The following FAM161A variants were observed in gnomAD, a reference collection of about 807,000 sequenced individuals.
FAM161A encodes FAM161 centrosomal protein A, also known as protein FAM161A.
Under a neutral mutation model 70.9 loss-of-function variants are expected in FAM161A, and 57 were observed. The ratio of observed to expected loss-of-function variants is 0.80; its 90% confidence interval spans 0.65 to 1.00. The LOEUF (loss-of-function observed/expected upper bound fraction) is 1.00, where lower values mean the gene tolerates loss of function less well. FAM161A is among the 50% of genes least tolerant of loss of function. The pLI, the probability that FAM161A is intolerant of heterozygous loss-of-function variation, is 0.00. For synonymous variants in FAM161A, 299 were observed against 295.7 expected, an observed-to-expected ratio of 1.01 and a Z score of -0.12; for missense variants, 880 against 836.0, an observed-to-expected ratio of 1.05 and a Z score of -0.65.
intron 1 of FAM161A, among the ~76,000 whole-genome samples, chr2:61,844,188 CT>C (rs1403605727): frequency 3.9e-5 from 6 of 152,088 alleles, no homozygotes; most frequent in African/African-American, 1.4e-4. Context: ...CAGAAATTTG[CT>C]ACCAACAACT....
chr2:61,847,742 A>AG (rs1673281632), intron 1 of FAM161A, among the ~76,000 whole-genome samples: 3 of 152,338 alleles, frequency 2.0e-5, no homozygotes. Flanking sequence ...ACTGCACTCC[A>AG]GCCTGGGTAA....
chr2:61,815,632 C>A, the FAM161A span, among the ~76,000 whole-genome samples: 1 of 141,898 alleles, frequency 7.0e-6, no homozygotes, highest in South Asian at 2.2e-4. Flanking sequence ...CTCACTGCAA[C>A]CTTCGCCTCC....
chr2:61,819,879 T>C (rs778805030), downstream of FAM161A, among the ~76,000 whole-genome samples: 2 of 152,198 alleles, frequency 1.3e-5, no homozygotes, highest in East Asian at 3.8e-4. Context: ...AATATTGTTA[T>C]TTGCTTGAGA....
At position 61,853,974 on chromosome 2, in the gene FAM161A, G is replaced by C. The variant is rs1673588901; in HGVS notation, c.68C>G (p.Thr23Ser). The change falls in exon 1 of 7, where the codon ACT becomes AGT. Residue 23 changes from threonine (T) to serine (S), a missense_variant. By Grantham distance (58) the Thr-to-Ser change is moderately conservative. Coordinates refer to ENST00000404929, the MANE Select transcript of FAM161A (RefSeq NM_001201543.2). Reference protein sequence around the residue: ...SSLQTPVNPITGARVAQYERE... With the variant: ...SSLQTPVNPISGARVAQYERE... ...TTCGTACTGGGCGACCCGCGCTCCA[G>C]TGATGGGATTTACCGGGGTCTGGAG... The C allele has an allele frequency of 6.2e-7, 1 of 1,613,902 alleles. No homozygotes were observed. The highest frequency in any genetic ancestry group is 1.1e-5 in the South Asian group (1 of 91,072).
At chr2:61,835,480 C>G (rs559274596) in intron 5 of FAM161A, 1 of 151,502 alleles carries the variant, frequency 6.6e-6, no homozygotes, top group African/African-American at 2.4e-5. Context: ...AAAAAAAAAA[C>G]TAGCAGAAAT....
At chr2:61,811,915 A>G in the FAM161A span, among the ~76,000 whole-genome samples, 1 of 152,184 alleles carries the variant, frequency 6.6e-6, no homozygotes, top group South Asian at 2.1e-4. Flanking sequence ...AGAAGGCCCC[A>G]TAGAATCTGC....
the FAM161A span, among the ~76,000 whole-genome samples, chr2:61,814,499 C>T: frequency 2.1e-3 from 324 of 152,238 alleles, 2 homozygotes; most frequent in African/African-American, 7.4e-3. Context: ...CTTTCCTCTG[C>T]TCGAGAGGAG....
At chr2:61,835,893 T>C (rs944982282) in intron 5 of FAM161A, 117 bp downstream of exon 5, 1 of 777,226 alleles carries the variant, frequency 1.3e-6, no homozygotes, top group Non-Finnish European at 2.2e-6. Flanking sequence ...CAAACAACAA[T>C]AATGTATCTC....
At chr2:61,804,923 A>G in the FAM161A span, among the ~76,000 whole-genome samples, 7 of 152,230 alleles carry the variant, frequency 4.6e-5, no homozygotes, top group South Asian at 8.3e-4. Flanking sequence ...TTTCAGAAAC[A>G]TGGATGCCCA....
the FAM161A span, among the ~76,000 whole-genome samples, chr2:61,816,820 C>T: frequency 6.6e-6 from 1 of 152,066 alleles, no homozygotes; most frequent in Non-Finnish European, 1.5e-5. Context: ...CTACTTGCCT[C>T]GGCAATCACA....
At chr2:61,805,625 G>A in the FAM161A span, among the ~76,000 whole-genome samples, 5 of 152,138 alleles carry the variant, frequency 3.3e-5, no homozygotes, top group Non-Finnish European at 5.9e-5. Context: ...GATAAATACC[G>A]TTCTTCCTCC....
chr2:61,847,370 C>T (rs1409778321), intron 1 of FAM161A, among the ~76,000 whole-genome samples: 1 of 152,134 alleles, frequency 6.6e-6, no homozygotes, highest in Non-Finnish European at 1.5e-5. Flanking sequence ...TGTCAGCCCC[C>T]TTGTCTGTCT....
At chr2:61,811,321 C>A in the FAM161A span, among the ~76,000 whole-genome samples, 3 of 152,134 alleles carry the variant, frequency 2.0e-5, no homozygotes, top group South Asian at 6.2e-4. Context: ...CCTCAGCTTC[C>A]CAAGTAGCTG....
downstream of FAM161A, among the ~76,000 whole-genome samples, chr2:61,822,460 CA>C (rs1672222269): frequency 6.6e-6 from 1 of 152,132 alleles, no homozygotes; most frequent in Non-Finnish European, 1.5e-5. Context: ...GTCAAATTGA[CA>C]AAAACTTCAT....
At chr2:61,822,997 A>G (rs1672236077), downstream of FAM161A, among the ~76,000 whole-genome samples, 1 of 152,124 alleles carries the variant, frequency 6.6e-6, no homozygotes. Flanking sequence ...AATACCAGAT[A>G]TCCTTAAAGG....
At chr2:61,829,227 G>C (rs1672485072) in intron 5 of FAM161A, among the ~76,000 whole-genome samples, 1 of 152,184 alleles carries the variant, frequency 6.6e-6, no homozygotes, top group East Asian at 1.9e-4. Flanking sequence ...ATTACATCAT[G>C]CTACTTTCTC....
intron 1 of FAM161A, among the ~76,000 whole-genome samples, chr2:61,850,490 G>A (rs777669217): frequency 1.8e-4 from 27 of 152,226 alleles, no homozygotes; most frequent in African/African-American, 5.5e-4. Context: ...AGTGGCTCAC[G>A]CCTATAATCC....
intron 4 of FAM161A, among the ~76,000 whole-genome samples, chr2:61,837,487 G>A (rs1672815741): frequency 1.3e-5 from 2 of 152,184 alleles, no homozygotes; most frequent in Non-Finnish European, 2.9e-5. Context: ...AAAAGCTATT[G>A]TCCAGGCACG....
chr2:61,813,676 G>A, the FAM161A span, among the ~76,000 whole-genome samples: 2 of 144,588 alleles, frequency 1.4e-5, no homozygotes, highest in Admixed American at 1.4e-4. Flanking sequence ...CTGCAATTGT[G>A]CCACTGCATT....
Sources: allele counts gnomAD v4.1 joint callset (sites outside exome capture counted in the v4.1 genomes callset), GRCh38; gene constraint gnomAD v4.1.1; transcripts MANE v1.5; gene names NCBI Gene and HGNC (gene_info 2026-07-23, HGNC 2026-07-21).